The following TP63 variants were observed in gnomAD, a reference collection of about 807,000 sequenced individuals.
The protein encoded by TP63 is tumor protein 63.
Under a neutral mutation model 82.8 loss-of-function variants are expected in TP63, and 17 were observed. The ratio of observed to expected loss-of-function variants is 0.21; its 90% CI spans 0.14 to 0.31. TP63 has a LOEUF of 0.31. TP63 is among the 10% of genes least tolerant of loss of function. The probability of loss-of-function intolerance (pLI) is 1.00; values close to 1 mark genes in which losing one functional copy is unlikely to be tolerated. For missense variants in TP63, 648 were observed against 895.3 expected (o/e 0.72, Z 3.52); for synonymous variants, 330 against 321.7 (o/e 1.03, Z -0.28).
chr3:189,601,435 G>A, the TP63 span, among the ~76,000 whole-genome samples: 2 of 152,032 alleles, frequency 1.3e-5, no homozygotes, highest in African/African-American at 2.4e-5. Context: ...TGGGACTACT[G>A]TACATCATCC....
chr3:189,657,500 A>G (rs1266764225), intron 1 of TP63, among the ~76,000 whole-genome samples: 1 of 152,104 alleles, frequency 6.6e-6, no homozygotes, highest in Admixed American at 6.6e-5. Flanking sequence ...AATGAAGACA[A>G]AAGAACTAGA....
At chr3:189,875,505 G>T (rs1718941258) in intron 10 of TP63, among the ~76,000 whole-genome samples, 1 of 147,396 alleles carries the variant, frequency 6.8e-6, no homozygotes, top group Non-Finnish European at 1.5e-5. Context: ...GGCAGAGGTT[G>T]CAGTGAGCCA....
chr3:189,753,339 A>G (rs970005092), intron 3 of TP63, among the ~76,000 whole-genome samples: 2 of 152,028 alleles, frequency 1.3e-5, no homozygotes, highest in African/African-American at 4.8e-5. Flanking sequence ...TGGGTATGTC[A>G]TATTTAAGAT....
intron 13 of TP63, among the ~76,000 whole-genome samples, chr3:189,893,972 A>G (rs1721269263): frequency 6.6e-6 from 1 of 152,168 alleles, no homozygotes; most frequent in African/African-American, 2.4e-5. Context: ...AACTGAGGCC[A>G]GTAGAGACTA....
At chr3:189,776,495 C>T (rs1037475691) in intron 3 of TP63, among the ~76,000 whole-genome samples, 2 of 152,190 alleles carry the variant, frequency 1.3e-5, no homozygotes, top group Non-Finnish European at 2.9e-5. Context: ...TAAAGGCTCA[C>T]AATCCTACAG....
intron 1 of TP63, among the ~76,000 whole-genome samples, chr3:189,641,159 G>A (rs545397283): frequency 2.6e-5 from 4 of 152,126 alleles, no homozygotes; most frequent in African/African-American, 9.6e-5. Flanking sequence ...TAGTTTGAAA[G>A]CTACAAAACT....
intron 3 of TP63, among the ~76,000 whole-genome samples, chr3:189,784,482 T>C (rs1389052589): frequency 6.6e-6 from 1 of 152,104 alleles, no homozygotes; most frequent in Non-Finnish European, 1.5e-5. Context: ...AGTGTCTTCA[T>C]CTGTGCAATA....
At position 189,744,631 on chromosome 3, in the gene TP63, G is replaced by C. The variant is rs998860525; in HGVS notation, c.324+5857G>C. 2.4e-4 allele frequency among the ~76,000 whole-genome samples: 36 copies of C among 152,200 alleles called. 1 individual carries two copies. Among genetic ancestry groups the C allele is most frequent in the Non-Finnish European group, 2.6e-4 (18 of 68,038 alleles). ...CAGGCCTGGGGTCTGGCCCACCCAG[G>C]CTGTCACAGCTACTGTCAATACCAG... On this transcript the variant is annotated intron_variant, in intron 3 of 13. Transcript: ENST00000264731.
intron 1 of TP63, among the ~76,000 whole-genome samples, chr3:189,728,078 G>T (rs1191498720): frequency 6.6e-6 from 1 of 151,934 alleles, no homozygotes; most frequent in Non-Finnish European, 1.5e-5. Flanking sequence ...TGTCTGAAGA[G>T]CTTTGCCTAA....
intron 1 of TP63, among the ~76,000 whole-genome samples, chr3:189,706,289 C>T (rs58481885): frequency 0.086 from 13,033 of 152,026 alleles, 599 homozygotes; most frequent in South Asian, 0.15. Flanking sequence ...CGGAGTCTTC[C>T]TCTGTCACCC....
chr3:189,689,098 C>CTTTTTTTTTTTTTTTT lies in TP63; in HGVS notation c.63-48637_63-48636insTTTTTTTTTTTTTTTT, dbSNP rs1383931117. ...CAGAGTGGCCAGCATTCAAATCTAC[C>CTTTTTTTTTTTTTTTT]TTTTTCTTTTTTTTTTTTTTTTTTT... On this transcript the variant is annotated intron_variant, in intron 1 of 13. Coordinates refer to ENST00000264731, the MANE Select transcript of TP63 (RefSeq NM_003722.5). Among the ~76,000 whole-genome samples the CTTTTTTTTTTTTTTTT allele has an allele frequency of 4.9e-4, 42 of 85,154 alleles. 18 individuals carry two copies. Among genetic ancestry groups the CTTTTTTTTTTTTTTTT allele is most frequent in the South Asian group, 1.0e-3 (2 of 1,948 alleles). The allele number at this position is 85,154 out of a possible 152,430, so 55.9% of individuals were successfully genotyped here.
chr3:189,825,250 T>C (rs537239197), intron 4 of TP63, among the ~76,000 whole-genome samples: 5 of 152,366 alleles, frequency 3.3e-5, no homozygotes, highest in Middle Eastern at 3.4e-3. Flanking sequence ...CTTAAAATGT[T>C]ATTTCCTCAT....
intron 1 of TP63, among the ~76,000 whole-genome samples, chr3:189,710,487 A>G (rs887691708): frequency 3.0e-4 from 45 of 150,050 alleles, no homozygotes; most frequent in Admixed American, 2.0e-3. Context: ...AGCCAAATAG[A>G]TTTTTTTTTT....
intron 4 of TP63, among the ~76,000 whole-genome samples, chr3:189,861,546 A>G (rs1361290045): frequency 6.6e-6 from 1 of 152,218 alleles, no homozygotes; most frequent in African/African-American, 2.4e-5. Flanking sequence ...AATTCCCAGA[A>G]GCAGCTGGTG....
At chr3:189,691,421 A>G (rs773691652) in intron 1 of TP63, among the ~76,000 whole-genome samples, 13 of 152,022 alleles carry the variant, frequency 8.6e-5, no homozygotes, top group African/African-American at 1.2e-4. Context: ...GGATTTCTCA[A>G]CCTGGGCAAT....
intron 4 of TP63, among the ~76,000 whole-genome samples, chr3:189,829,373 A>G (rs887130109): frequency 6.6e-6 from 1 of 152,242 alleles, no homozygotes. Flanking sequence ...ATTTATTCTG[A>G]AAACTAGACC....
At chr3:189,892,414 G>T (rs1489896959) in intron 13 of TP63, among the ~76,000 whole-genome samples, 1 of 152,172 alleles carries the variant, frequency 6.6e-6, no homozygotes, top group Non-Finnish European at 1.5e-5. Flanking sequence ...AGGGCATCAT[G>T]ACAATGAACA....
At chr3:189,622,461 T>G in the TP63 span, among the ~76,000 whole-genome samples, 1 of 152,222 alleles carries the variant, frequency 6.6e-6, no homozygotes, top group Admixed American at 6.5e-5. Flanking sequence ...TCTCTTCCTG[T>G]GTGAAATGCA....
chr3:189,844,975 G>T (rs946051433), intron 4 of TP63, among the ~76,000 whole-genome samples: 1 of 152,018 alleles, frequency 6.6e-6, no homozygotes, highest in Non-Finnish European at 1.5e-5. Flanking sequence ...TTCATTCCCA[G>T]CAGTTCTAAT....
Sources: gnomAD v4.1 joint callset for allele counts (sites outside exome capture counted in the v4.1 genomes callset) on GRCh38, gnomAD v4.1.1 for gene constraint, MANE v1.5 for transcripts, NCBI Gene and HGNC (gene_info 2026-07-23, HGNC 2026-07-21) for gene names.